The following PITPNC1 variants were observed in gnomAD, a reference collection of about 807,000 sequenced individuals.
PITPNC1 encodes the protein phosphatidylinositol transfer protein cytoplasmic 1, also known as cytoplasmic phosphatidylinositol transfer protein 1.
PITPNC1 carries 18 observed loss-of-function variants against 44.7 expected under a neutral mutation model. The observed-to-expected ratio is 0.40, with a 90% CI of 0.28 to 0.60. The LOEUF (loss-of-function observed/expected upper bound fraction) is 0.60, where lower values mean the gene tolerates loss of function less well. PITPNC1 is among the 20% of genes least tolerant of loss of function. PITPNC1 has a pLI of 0.39. For missense variants in PITPNC1, 290 were observed against 418.4 expected (o/e 0.69, Z 2.68); for synonymous variants, 141 against 149.6 (o/e 0.94, Z 0.42).
intron 5 of PITPNC1, among the ~76,000 whole-genome samples, chr17:67,600,050 C>T (rs2041520410): frequency 1.3e-5 from 2 of 152,026 alleles, no homozygotes; most frequent in South Asian, 4.2e-4. Context: ...GCAAGCTGGG[C>T]CACCAGAGCC....
At chr17:67,549,400 A>G (rs1463852300) in intron 2 of PITPNC1, among the ~76,000 whole-genome samples, 1 of 152,198 alleles carries the variant, frequency 6.6e-6, no homozygotes, top group African/African-American at 2.4e-5. Context: ...GTTCCATAAA[A>G]TATCAGCTAT....
At chr17:67,643,363 A>G (rs558087841) in intron 6 of PITPNC1, among the ~76,000 whole-genome samples, 370 of 152,224 alleles carry the variant, frequency 2.4e-3, no homozygotes, top group Non-Finnish European at 4.3e-3. Context: ...TCCAGCCTGG[A>G]CAACAGAGTG....
At chr17:67,577,158 C>G (rs924075922) in intron 4 of PITPNC1, among the ~76,000 whole-genome samples, 1 of 152,012 alleles carries the variant, frequency 6.6e-6, no homozygotes, top group South Asian at 2.1e-4. Context: ...TGGTGTCACA[C>G]ACCTATAGCT....
chr17:67,649,628 C>T (rs2642041), intron 6 of PITPNC1, among the ~76,000 whole-genome samples: 53,204 of 151,904 alleles, frequency 0.35, 12,699 homozygotes, highest in African/African-American at 0.68. Flanking sequence ...CTCATTCCTA[C>T]AATCCCAGCA....
chr17:67,431,442 A>G (rs1390867428), intron 1 of PITPNC1, among the ~76,000 whole-genome samples: 1 of 152,126 alleles, frequency 6.6e-6, no homozygotes, highest in Non-Finnish European at 1.5e-5. Context: ...GTATACCATT[A>G]TTCATGATGG....
chr17:67,663,701 A>C (rs1223225013), intron 6 of PITPNC1, among the ~76,000 whole-genome samples: 1 of 152,184 alleles, frequency 6.6e-6, no homozygotes, highest in Non-Finnish European at 1.5e-5. Context: ...TTTTATAGTC[A>C]CTTTTAATTA....
rs561568860 is a variant in PITPNC1, at chr17:67,597,054, C to T, written c.366+18797C>T. 2.2e-4 allele frequency among the ~76,000 whole-genome samples: 34 copies of T among 151,920 alleles called. No individual in the cohort carries two copies. The highest frequency in any genetic ancestry group is 5.8e-4 in the East Asian group (3 of 5,148). ...GACTATAGGCACTTGCCACCATGCTCGCCTAATTTTTTAATTTTTTGTAGA... is the reference window on the plus strand; with the variant it reads ...GACTATAGGCACTTGCCACCATGCTTGCCTAATTTTTTAATTTTTTGTAGA... On this transcript the variant is annotated intron_variant, in intron 5 of 8. Coordinates refer to ENST00000581322, the MANE Select transcript of PITPNC1 (RefSeq NM_012417.4). This position sits in a 1 kb window ranked among gnomAD's most constrained non-coding sequence, Gnocchi z 4.0.
chr17:67,444,062 C>G (rs540325450), intron 1 of PITPNC1, among the ~76,000 whole-genome samples: 1 of 152,114 alleles, frequency 6.6e-6, no homozygotes, highest in East Asian at 1.9e-4. Context: ...AAAAATAGAA[C>G]AGCCTGATGA....
intron 1 of PITPNC1, among the ~76,000 whole-genome samples, chr17:67,385,258 CTG>C (rs148302319): frequency 0.01 from 1,537 of 152,282 alleles, 28 homozygotes; most frequent in Admixed American, 0.014. Flanking sequence ...AATCAGGTCT[CTG>C]TGGCTAGCTA....
At chr17:67,606,258 G>A (rs1436110002) in intron 5 of PITPNC1, among the ~76,000 whole-genome samples, 1 of 152,168 alleles carries the variant, frequency 6.6e-6, no homozygotes, top group Non-Finnish European at 1.5e-5. Context: ...AGAGACAAGA[G>A]GGAAAAGACA....
intron 1 of PITPNC1, among the ~76,000 whole-genome samples, chr17:67,475,786 A>G (rs959973119): frequency 2.0e-5 from 3 of 152,226 alleles, no homozygotes; most frequent in Non-Finnish European, 4.4e-5. Context: ...ATTCAGTGCC[A>G]GGAATCCATA....
At chr17:67,510,945 C>T (rs1017831285) in intron 1 of PITPNC1, among the ~76,000 whole-genome samples, 2 of 152,080 alleles carry the variant, frequency 1.3e-5, no homozygotes, top group Non-Finnish European at 2.9e-5. Context: ...GTACATGTTC[C>T]TTATAAAAAC....
At chr17:67,646,184 ATCT>A (rs1285826207) in intron 6 of PITPNC1, among the ~76,000 whole-genome samples, 2 of 152,168 alleles carry the variant, frequency 1.3e-5, no homozygotes, top group Non-Finnish European at 2.9e-5. Flanking sequence ...CTCTGGCTAA[ATCT>A]TCTCCAAGCC....
At position 67,553,598 on chromosome 17, in the gene PITPNC1, A is replaced by G; in HGVS notation, c.287-12A>G. The G allele has an allele frequency of 8.2e-7, 1 of 1,213,960 alleles. No individual in the cohort carries two copies. The highest frequency in any genetic ancestry group is 1.1e-6 in the Non-Finnish European group (1 of 872,924). The allele number at this position is 1,213,960 out of a possible 1,614,324, so 75.2% of individuals were successfully genotyped here. ...TCTTTCCTCTCTTCTTCAAATGAAC[A>G]TGTGGAAACAGAATACACAGTAAGT... On this transcript the variant is annotated splice_polypyrimidine_tract_variant and intron_variant, in intron 3 of 8. Transcript: ENST00000581322.
rs148675673 is a variant in PITPNC1 at position 67,641,649 on chromosome 17, T to C, written c.462+9411T>C. Among the ~76,000 whole-genome samples, 926 of 151,920 alleles carry C rather than the reference T, an allele frequency of 6.1e-3. 13 individuals are homozygous for C. Among genetic ancestry groups the C allele is most frequent in the African/African-American group, 0.021 (871 of 41,398 alleles). On this transcript the variant is annotated intron_variant, in intron 6 of 8. Coordinates refer to ENST00000581322, the MANE Select transcript of PITPNC1 (RefSeq NM_012417.4). The stretch of plus-strand genomic sequence containing the variant: ...CCATCTCTATAAAAAATACAAAAAT[T>C]AGCCGGGTGTGATGGCACATGCCTG...
intron 1 of PITPNC1, among the ~76,000 whole-genome samples, chr17:67,455,354 T>A (rs1246629391): frequency 1.3e-5 from 2 of 152,232 alleles, no homozygotes; most frequent in Non-Finnish European, 2.9e-5. Context: ...GGTACATACA[T>A]GCTTATACAC....
intron 8 of PITPNC1, among the ~76,000 whole-genome samples, chr17:67,692,087 C>T (rs967780956): frequency 3.3e-5 from 5 of 151,840 alleles, no homozygotes; most frequent in African/African-American, 9.7e-5. Context: ...GGTATACTTT[C>T]ATGATCTAAA....
intron 5 of PITPNC1, 64 bp downstream of exon 5, chr17:67,578,321 A>G (rs8082003): frequency 0.43 from 472,669 of 1,106,984 alleles, 107,274 homozygotes; most frequent in East Asian, 0.76. Context: ...AGCACTTCTC[A>G]CAGCCCCTCT....
chr17:67,506,174 A>G (rs1354913012), intron 1 of PITPNC1, among the ~76,000 whole-genome samples: 1 of 152,194 alleles, frequency 6.6e-6, no homozygotes, highest in Non-Finnish European at 1.5e-5. Context: ...CATATAAATC[A>G]TATTTGTAAC....
Sources: allele counts gnomAD v4.1 joint callset (sites outside exome capture counted in the v4.1 genomes callset), GRCh38; gene constraint gnomAD v4.1.1; non-coding constraint Gnocchi (gnomAD v3.1); transcripts MANE v1.5; gene names NCBI Gene and HGNC (gene_info 2026-07-23, HGNC 2026-07-21).